BCAT2: variants seen among roughly 807,000 people sequenced by gnomAD.
The protein encoded by BCAT2 is branched-chain-amino-acid aminotransferase, mitochondrial.
In BCAT2, 44 loss-of-function variants were observed where a neutral mutation model predicts 52.9. That is an observed-to-expected ratio of 0.83 (90% CI 0.65 to 1.07). The LOEUF is 1.07. BCAT2 is among the 50% of genes least tolerant of loss of function. The pLI is 0.00. For synonymous variants in BCAT2, 215 were observed against 217.1 expected (o/e 0.99, Z 0.08); for missense variants, 478 against 521.8 (o/e 0.92, Z 0.82).
chr19:48,800,537 G>T (rs949032041), intron 3 of BCAT2, among the ~76,000 whole-genome samples: 1 of 152,188 alleles, frequency 6.6e-6, no homozygotes, highest in Non-Finnish European at 1.5e-5. Context: ...GACACGACCG[G>T]GCTCAGTGGC....
chr19:48,799,830 C>T lies in BCAT2; in HGVS notation c.540G>A (p.Leu180=). 1 of 1,558,388 alleles carries T rather than the reference C, an allele frequency of 6.4e-7. No homozygotes were observed. The highest frequency in any genetic ancestry group is 1.2e-5 in the South Asian group (1 of 84,982). The change falls in exon 6 of 11, where the codon CTG becomes CTA. Residue 180 remains leucine, a synonymous_variant. Transcript: ENST00000316273. The surrounding 1 kb of genome is among the most constrained non-coding windows in gnomAD (Gnocchi z 5.5). ...RPVLIGNEPS[L]GVSQPTRALL... is the part of the protein sequence containing the mutation. Reference sequence around the variant, plus strand: ...GCGCGCGCGTGGGCTGGCTGACACCCAGCGAGGGCTGCGACGGGCAAAGGG... The same window carrying T: ...GCGCGCGCGTGGGCTGGCTGACACCTAGCGAGGGCTGCGACGGGCAAAGGG...
rs73587806 is a variant in BCAT2 at position 48,795,352 on chromosome 19, G to A, written c.*74C>T. ...TTATTTCGTATTGCACTTCAGGTGA[G>A]TCATTGGTAGGGAGGCGAGTGCTGG... On this transcript the variant is annotated 3_prime_UTR_variant, in exon 11 of 11. Coordinates refer to ENST00000316273, the MANE Select transcript of BCAT2 (RefSeq NM_001190.4). 2.7e-3 allele frequency: 4,261 copies of A among 1,593,248 alleles called. 92 individuals carry two copies. The African/African-American group carries it at 0.048, about 18-fold the overall frequency.
Position 48,796,877 on chromosome 19 carries a change from C to T in BCAT2, c.924+60G>A, listed in dbSNP as rs898921603. 2.1e-5 allele frequency: 33 copies of T among 1,604,514 alleles called. No homozygotes were observed. In the African/African-American group the frequency reaches 3.9e-4, roughly 19 times the overall value. ...CATGCCAGTGTGCCCCAGTCCCAGC[C>T]CTCTGATGCCCTGGCCCCTGGCACA... On this transcript the variant is annotated intron_variant, in intron 8 of 10. Transcript: ENST00000316273.
At chr19:48,801,160 G>T (rs894576827) in intron 3 of BCAT2, among the ~76,000 whole-genome samples, 2 of 151,392 alleles carry the variant, frequency 1.3e-5, no homozygotes, top group Admixed American at 1.3e-4. Flanking sequence ...GCTAATTTTT[G>T]TATTTTTAGT....
At chr19:48,810,284 T>C (rs1042201135) in intron 1 of BCAT2, among the ~76,000 whole-genome samples, 10 of 152,228 alleles carry the variant, frequency 6.6e-5, no homozygotes, top group African/African-American at 2.2e-4. Flanking sequence ...AGGCTTGTAA[T>C]GACCCCTTTC....
intron 1 of BCAT2, among the ~76,000 whole-genome samples, chr19:48,809,066 CAA>C (rs3057799): frequency 5.2e-4 from 15 of 28,966 alleles, no homozygotes; most frequent in Admixed American, 1.4e-3. Context: ...GAGTGTCTCT[CAA>C]AAAAAAAAAA....
Position 48,799,632 on chromosome 19 carries a change from C to T in BCAT2, c.695+43G>A, listed in dbSNP as rs369209966. On this transcript the variant is annotated intron_variant, in intron 6 of 10. Transcript: ENST00000316273. This position sits in a 1 kb window ranked among gnomAD's most constrained non-coding sequence, Gnocchi z 5.5. The stretch of plus-strand genomic sequence containing the variant: ...CGCACGCTGGTCCCTGTGTCTCCAA[C>T]GCCCAGTGCGCCAGTCGTTCTGGGG... The T allele has an allele frequency of 6.6e-7, 1 of 1,514,612 alleles. No homozygotes were observed. 93.8% of individuals were successfully genotyped at this position (1,514,612 alleles called of 1,614,324 possible).
Position 48,810,921 on chromosome 19 carries a change from T to C in BCAT2, c.24+63A>G. ...AGTCGGACCGGCTGCAGGCCAGTGG[T>C]CTTCCCGGAAGTGCGCCTCCCCCGG... On this transcript the variant is annotated intron_variant, in intron 1 of 10. Transcript: ENST00000316273. 7 of 1,582,198 alleles carry C rather than the reference T, an allele frequency of 4.4e-6. No homozygotes were observed. The South Asian group carries it at 6.9e-5, about 16-fold the overall frequency.
Position 48,797,020 on chromosome 19 carries a change from G to A in BCAT2, c.841C>T (p.Leu281=), listed in dbSNP as rs755661965. 1.9e-6 allele frequency: 3 copies of A among 1,614,188 alleles called. No individual in the cohort carries two copies. The highest frequency in any genetic ancestry group is 1.1e-5 in the South Asian group (1 of 91,086). ...TTCAGCGGGGGCGTCACCAGCTCCA[G>A]CACTAGGGCAGGTGTAAGGGGTGGA... ...FVYWTHEDGV[L]ELVTPPLNGV... The change falls in exon 8 of 11, where the codon CTG becomes TTG. Residue 281 remains leucine, a splice_region_variant and synonymous_variant. Coordinates refer to ENST00000316273, the MANE Select transcript of BCAT2 (RefSeq NM_001190.4).
intron 1 of BCAT2, 163 bp downstream of exon 1, chr19:48,810,821 T>A: frequency 7.2e-7 from 1 of 1,390,690 alleles, no homozygotes; most frequent in Non-Finnish European, 9.4e-7. Context: ...CATTAAAGCC[T>A]CGTGCTCCTT....
In BCAT2 at chr19:48,795,366, G is replaced by A. The variant is rs1043361948; in HGVS notation, c.*60C>T. ...ACTTCAGGTGAGTCATTGGTAGGGA[G>A]GCGAGTGCTGGCGTGACGAGATGCT... is the stretch of plus-strand genomic sequence containing the variant. On this transcript the variant is annotated 3_prime_UTR_variant, in exon 11 of 11. Coordinates refer to ENST00000316273, the MANE Select transcript of BCAT2 (RefSeq NM_001190.4). 1.5e-5 allele frequency: 24 copies of A among 1,607,822 alleles called. No individual in the cohort carries two copies. The highest frequency in any genetic ancestry group is 1.7e-4 in the Middle Eastern group (1 of 6,044).
intron 3 of BCAT2, 40 bp from the exon 4 acceptor site, chr19:48,800,337 C>T: frequency 1.9e-6 from 3 of 1,568,238 alleles, no homozygotes; most frequent in Non-Finnish European, 2.6e-6. Flanking sequence ...GAGACTTCTC[C>T]AGACAGTCAT....
chr19:48,806,830 T>G (rs561684263), intron 2 of BCAT2, 113 bp from the exon 3 acceptor site: 1 of 1,421,322 alleles, frequency 7.0e-7, no homozygotes, highest in African/African-American at 1.4e-5. Context: ...CCTGTCACCC[T>G]GGAGGATTCT....
rs963658497 is a variant in BCAT2, at chr19:48,796,164, G to A, written c.1140+264C>T. 115 of 529,846 alleles carry A rather than the reference G, an allele frequency of 2.2e-4. 2 individuals carry two copies. The highest frequency in any genetic ancestry group is 9.0e-4 in the Admixed American group (25 of 27,800). 32.8% of individuals were successfully genotyped at this position (529,846 alleles called of 1,614,324 possible). On this transcript the variant is annotated intron_variant, in intron 10 of 10. Coordinates refer to ENST00000316273, the MANE Select transcript of BCAT2 (RefSeq NM_001190.4). Reference sequence around the variant, plus strand: ...TCTCCTACCAGGGCACCCAGGAGCCGCAGAGGATCACAGGAAGGGGTTTCC... The same window carrying A: ...TCTCCTACCAGGGCACCCAGGAGCCACAGAGGATCACAGGAAGGGGTTTCC...
At chr19:48,801,520 A>C (rs929464894) in intron 3 of BCAT2, among the ~76,000 whole-genome samples, 1 of 152,076 alleles carries the variant, frequency 6.6e-6, no homozygotes, top group Admixed American at 6.6e-5. Flanking sequence ...TCTATTTCAC[A>C]CCTCACACCA....
chr19:48,802,648 A>G (rs2034683432), intron 3 of BCAT2, among the ~76,000 whole-genome samples: 1 of 151,710 alleles, frequency 6.6e-6, no homozygotes, highest in Non-Finnish European at 1.5e-5. Flanking sequence ...GGGTTTCACC[A>G]TGTTGGCAAA....
intron 1 of BCAT2, among the ~76,000 whole-genome samples, chr19:48,809,066 CAAAAAAAAAAAAAAA>C (rs3057799): frequency 2.4e-4 from 7 of 28,966 alleles, no homozygotes; most frequent in East Asian, 3.6e-3. Context: ...GAGTGTCTCT[CAAAAAAAAAAAAAAA>C]AAAAAAAAAA....
At chr19:48,797,584 T>C (rs2034556625) in intron 6 of BCAT2, 1 of 456,980 alleles carries the variant, frequency 2.2e-6, no homozygotes. Context: ...GGAGTCTCGC[T>C]CTGTCACCCA....
Position 48,806,684 on chromosome 19 carries a change from G to T in BCAT2, c.133C>A (p.Pro45Thr). 6.2e-7 allele frequency: 1 copy of T among 1,613,812 alleles called. No individual in the cohort carries two copies. Among genetic ancestry groups the T allele is most frequent in the African/African-American group, 1.3e-5 (1 of 75,044 alleles). The part of the protein sequence containing the change: ...ADLQLEMTQK[P>T]HKKPGPGEPL... ...TCGCCGGGGCCAGGCTTCTTATGAG[G>T]CTTCTGTGTCATTTCCAGCTGCAGG... Residue 45 changes from proline to threonine, a missense_variant, in exon 3 of 11, where the codon CCT becomes ACT. Physicochemically the swap from Pro to Thr is conservative, Grantham distance 38. Transcript: ENST00000316273.
Sources: allele counts gnomAD v4.1 joint callset (sites outside exome capture counted in the v4.1 genomes callset), GRCh38; gene constraint gnomAD v4.1.1; non-coding constraint Gnocchi (gnomAD v3.1); transcripts MANE v1.5; gene names NCBI Gene and HGNC (gene_info 2026-07-23, HGNC 2026-07-21).